Variants in CBLN2 observed in about 807,000 individuals in gnomAD.
The protein encoded by CBLN2 is cerebellin 2 precursor, also known as cerebellin-2.
A neutral mutation model predicts 15.0 loss-of-function variants in CBLN2; 7 were observed. The observed-to-expected ratio is 0.47, with a 90% CI of 0.27 to 0.88. CBLN2 has a LOEUF of 0.88. Ranked by LOEUF, CBLN2 falls within the 40% of genes least tolerant of loss-of-function variation. The pLI, the probability that CBLN2 is intolerant of heterozygous loss-of-function variation, is 0.14. For missense variants in CBLN2, 242 were observed against 304.5 expected (o/e 0.79, Z 1.53); for synonymous variants, 149 against 135.2 (o/e 1.10, Z -0.71).
rs1335181594 is a variant in CBLN2 at position 72,619,129 on chromosome 18, G to T, written c.15+19196C>A. ...GGAGGCAGAAGCTCTGGCCCCTATG[G>T]TGGTGGAAGCCAGTACTTTGCCAAA... On this transcript the variant is annotated intron_variant, in intron 1 of 2. Coordinates refer to the CBLN2 transcript ENST00000581073. The T allele has an allele frequency of 3.4e-5, 25 of 740,300 alleles. 1 individual carries two copies. The highest frequency in any genetic ancestry group is 4.6e-5 in the Non-Finnish European group (19 of 409,156). 45.9% of individuals were successfully genotyped at this position (740,300 alleles called of 1,614,324 possible). A position where few individuals can be genotyped will look rare whatever the true frequency, so the allele number is the denominator to read the frequency against.
Position 72,559,712 on chromosome 18 carries a change from G to A in CBLN2, c.16-20940C>T, listed in dbSNP as rs145533865. Among the ~76,000 whole-genome samples the A allele has an allele frequency of 3.5e-3, 529 of 152,240 alleles. 7 individuals carry two copies. Among genetic ancestry groups the A allele is most frequent in the African/African-American group, 0.012 (513 of 41,564 alleles). On this transcript the variant is annotated intron_variant, in intron 1 of 2. Coordinates refer to the CBLN2 transcript ENST00000581073. ...GCTAACATATCCGTTTGATTTTTTC[G>A]AGGATAAGGCAATGCTGAGTGACAT...
At chr18:72,625,593 A>G (rs2069730600) in intron 1 of CBLN2, among the ~76,000 whole-genome samples, 1 of 150,126 alleles carries the variant, frequency 6.7e-6, no homozygotes, top group African/African-American at 2.4e-5. Context: ...ATGAATGTAT[A>G]AGTAAATGAG....
chr18:72,559,637 A>G (rs999438459), intron 1 of CBLN2, among the ~76,000 whole-genome samples: 1 of 152,280 alleles, frequency 6.6e-6, no homozygotes, highest in Middle Eastern at 3.2e-3. Flanking sequence ...AGATTTGAAG[A>G]AAGCACTTTT....
chr18:72,541,821 T>C lies in CBLN2; in HGVS notation c.340A>G (p.Thr114Ala), dbSNP rs1439305547. Residue 114 changes from threonine (T) to alanine (A), a missense_variant, in exon 3 of 5, where the codon ACC (threonine) becomes GCC (alanine). Thr to Ala is a moderately conservative substitution (Grantham distance 58). This residue lies in a region of CBLN2 where 89 missense variants were observed against 114.2 expected (regional missense o/e 0.78). Transcript: ENST00000269503. The part of the protein sequence containing the change: ...EPSEMSNRTM[T>A]IYFDQVLVNI... ...CGGCTGACCTGGTCGAAATAGATGG[T>C]CATGGTGCGGTTGCTCATCTCGGAC... The C allele has an allele frequency of 1.3e-6, 2 of 1,580,678 alleles. No homozygotes were observed. Among genetic ancestry groups the C allele is most frequent in the East Asian group, 2.3e-5 (1 of 42,896 alleles).
chr18:72,557,610 T>G (rs1484897126), intron 1 of CBLN2, among the ~76,000 whole-genome samples: 2 of 152,156 alleles, frequency 1.3e-5, no homozygotes, highest in African/African-American at 4.8e-5. Context: ...TGAAAGCACA[T>G]GGGTGGAGCT....
chr18:72,635,956 A>G (rs2069809447), intron 1 of CBLN2, among the ~76,000 whole-genome samples: 1 of 152,218 alleles, frequency 6.6e-6, no homozygotes, highest in South Asian at 2.1e-4. Flanking sequence ...CTTTTAAGGT[A>G]TAAATATAGA....
chr18:72,617,869 G>T (rs2069672893), intron 1 of CBLN2, among the ~76,000 whole-genome samples: 1 of 152,056 alleles, frequency 6.6e-6, no homozygotes, highest in African/African-American at 2.4e-5. Context: ...TACTGGATGA[G>T]TTTTTGTTAA....
intron 1 of CBLN2, among the ~76,000 whole-genome samples, chr18:72,591,189 T>C (rs1325686330): frequency 2.0e-5 from 3 of 152,170 alleles, no homozygotes. Flanking sequence ...TAGTCATAAG[T>C]TTTAAAACAC....
intron 1 of CBLN2, among the ~76,000 whole-genome samples, chr18:72,615,370 G>A (rs1046225421): frequency 6.0e-5 from 9 of 149,048 alleles, no homozygotes; most frequent in African/African-American, 2.0e-4. Context: ...TCCTCCTCCC[G>A]GGTTCAAACG....
chr18:72,575,695 C>G (rs972253907), intron 1 of CBLN2, among the ~76,000 whole-genome samples: 1 of 152,100 alleles, frequency 6.6e-6, no homozygotes. Flanking sequence ...TCTGGAGAGG[C>G]TGAGGATGCA....
chr18:72,607,641 G>A lies in CBLN2; in HGVS notation c.15+30684C>T, dbSNP rs115205432. On this transcript the variant is annotated intron_variant, in intron 1 of 2. Transcript: ENST00000581073. The stretch of plus-strand genomic sequence containing the variant: ...CTTAAGTGTATCACCAAACTGAAGC[G>A]CTAGCCAAAATAACATTTATAGGAG... Among the ~76,000 whole-genome samples the A allele has an allele frequency of 1.5e-3, 233 of 151,800 alleles. 1 individual carries two copies. The highest frequency in any genetic ancestry group is 5.3e-3 in the African/African-American group (220 of 41,232).
intron 1 of CBLN2, among the ~76,000 whole-genome samples, chr18:72,591,954 A>G (rs1011441021): frequency 1.3e-5 from 2 of 152,170 alleles, no homozygotes; most frequent in African/African-American, 2.4e-5. Flanking sequence ...GTGCTGCAAT[A>G]AACATAGGCG....
At chr18:72,582,339 G>A (rs2069411502) in intron 1 of CBLN2, among the ~76,000 whole-genome samples, 1 of 152,162 alleles carries the variant, frequency 6.6e-6, no homozygotes. Flanking sequence ...GTGTGGTGGA[G>A]CATCCGGGAA....
chr18:72,562,562 G>A (rs531605032), intron 1 of CBLN2, among the ~76,000 whole-genome samples: 18 of 152,248 alleles, frequency 1.2e-4, no homozygotes, highest in African/African-American at 3.9e-4. Context: ...GTGGTTAGAC[G>A]AGTCTCCTTG....
At chr18:72,617,310 A>G (rs1018539228) in intron 1 of CBLN2, among the ~76,000 whole-genome samples, 2 of 152,178 alleles carry the variant, frequency 1.3e-5, no homozygotes, top group African/African-American at 4.8e-5. Context: ...AAACTTATAC[A>G]TGTTTACTGA....
At chr18:72,598,369 T>G (rs370212772) in intron 1 of CBLN2, among the ~76,000 whole-genome samples, 2 of 152,304 alleles carry the variant, frequency 1.3e-5, no homozygotes, top group South Asian at 4.1e-4. Flanking sequence ...AATGAGGGCC[T>G]CGGGACTCTG....
chr18:72,611,155 G>A (rs543425340), intron 1 of CBLN2, among the ~76,000 whole-genome samples: 1 of 152,248 alleles, frequency 6.6e-6, no homozygotes, highest in East Asian at 1.9e-4. Flanking sequence ...TGGATATGTA[G>A]GTTGATTCCA....
intron 1 of CBLN2, chr18:72,618,908 A>G: frequency 1.4e-6 from 1 of 730,430 alleles, no homozygotes; most frequent in Non-Finnish European, 2.5e-6. Context: ...GGGAATGACA[A>G]CTTTGGTCAT....
At chr18:72,615,267 AT>A (rs2069652769) in intron 1 of CBLN2, among the ~76,000 whole-genome samples, 2 of 71,780 alleles carry the variant, frequency 2.8e-5, no homozygotes, top group African/African-American at 7.9e-5. Flanking sequence ...ATATGTATAT[AT>A]TATATATATA....
Sources: gnomAD v4.1 joint callset for allele counts (sites outside exome capture counted in the v4.1 genomes callset) on GRCh38, gnomAD v4.1.1 for gene constraint, gnomAD v4.1.1 regional missense constraint, MANE v1.5 for transcripts, NCBI Gene and HGNC (gene_info 2026-07-23, HGNC 2026-07-21) for gene names.